Variants in TMEM178B observed in about 807,000 individuals in gnomAD.
TMEM178B encodes the protein transmembrane protein 178B.
In TMEM178B, 5 loss-of-function variants were observed where a neutral mutation model predicts 31.0. The observed-to-expected ratio is 0.16, with a 90% confidence interval of 0.08 to 0.34. The LOEUF is 0.34. TMEM178B is among the 10% of genes least tolerant of loss of function. The probability of loss-of-function intolerance (pLI) is 1.00; values close to 1 mark genes in which losing one functional copy is unlikely to be tolerated. For synonymous variants in TMEM178B, 164 were observed against 164.0 expected (o/e 1.00, Z 0.00); for missense variants, 275 against 400.3 (o/e 0.69, Z 2.67).
In TMEM178B at chr7:141,150,182, C is replaced by T. The variant is rs768995890; in HGVS notation, c.383-62409C>T. ...GAGGTATAAATTTGAGGGTCATTAG[C>T]ATATAGATGGCATTGAAATAATGAC... On this transcript the variant is annotated intron_variant, in intron 1 of 3. Coordinates refer to ENST00000565468, the MANE Select transcript of TMEM178B (RefSeq NM_001195278.2). Among the ~76,000 whole-genome samples the T allele has an allele frequency of 3.1e-4, 47 of 152,178 alleles. 1 individual carries two copies. Among genetic ancestry groups the T allele is most frequent in the South Asian group, 8.3e-4 (4 of 4,822 alleles).
the TMEM178B span, among the ~76,000 whole-genome samples, chr7:141,499,830 TGAA>T: frequency 2.0e-5 from 3 of 152,152 alleles, no homozygotes; most frequent in Non-Finnish European, 4.4e-5. Flanking sequence ...ATCACACACA[TGAA>T]GAATGGGAGA....
At chr7:141,462,250 C>T (rs1025704837) in intron 3 of TMEM178B, among the ~76,000 whole-genome samples, 17 of 152,130 alleles carry the variant, frequency 1.1e-4, no homozygotes, top group African/African-American at 3.9e-4. Context: ...GGTTAGTCAT[C>T]CTACTAGGGA....
At position 141,212,661 on chromosome 7, in the gene TMEM178B, C is replaced by G. The variant is rs1797069189; in HGVS notation, c.453C>G (p.Phe151Leu). 3.3e-6 allele frequency: 5 copies of G among 1,536,112 alleles called. No homozygotes were observed. The highest frequency in any genetic ancestry group is 4.4e-6 in the Non-Finnish European group (5 of 1,146,902). ...SSATIPRNLT[F>L]NITKTIRQDE... is the part of the protein sequence containing the mutation. The stretch of plus-strand genomic sequence containing the variant: ...CAACCATCCCCAGGAACCTCACTTT[C>G]AATATCACGAAGACCATCCGTCAGG... Residue 151 changes from phenylalanine (F) to leucine (L), a missense_variant, in exon 2 of 4, where the codon TTC becomes TTG. Coordinates refer to ENST00000565468, the MANE Select transcript of TMEM178B (RefSeq NM_001195278.2).
intron 2 of TMEM178B, among the ~76,000 whole-genome samples, chr7:141,326,026 A>G (rs1249537077): frequency 6.6e-6 from 1 of 152,272 alleles, no homozygotes; most frequent in Admixed American, 6.5e-5. Context: ...GAAAGTTTAT[A>G]GAATTCCTGA....
At chr7:141,444,098 C>T (rs946285481) in intron 3 of TMEM178B, among the ~76,000 whole-genome samples, 8 of 152,092 alleles carry the variant, frequency 5.3e-5, no homozygotes, top group African/African-American at 1.7e-4. Flanking sequence ...TAGAATCAGC[C>T]GTTTCTTCAA....
intron 2 of TMEM178B, among the ~76,000 whole-genome samples, chr7:141,343,353 C>T (rs1034856328): frequency 3.3e-5 from 5 of 152,128 alleles, no homozygotes; most frequent in Admixed American, 1.3e-4. Flanking sequence ...TTATGAGTTT[C>T]CAAAGCCAGA....
intron 1 of TMEM178B, among the ~76,000 whole-genome samples, chr7:141,154,331 A>G (rs1261412894): frequency 2.0e-5 from 3 of 152,230 alleles, no homozygotes; most frequent in Admixed American, 6.5e-5. Context: ...CCCATGCCAC[A>G]TGGGTCGCTG....
chr7:141,345,649 A>G (rs1799605976), intron 2 of TMEM178B, among the ~76,000 whole-genome samples: 1 of 152,232 alleles, frequency 6.6e-6, no homozygotes, highest in South Asian at 2.1e-4. Flanking sequence ...TGTTTCACAG[A>G]AAATGCAAAA....
intron 3 of TMEM178B, among the ~76,000 whole-genome samples, chr7:141,463,584 G>A (rs921411988): frequency 3.3e-5 from 5 of 152,178 alleles, no homozygotes; most frequent in East Asian, 1.9e-4. Context: ...CTGAGCTGCC[G>A]CCATGGATCA....
At chr7:141,163,854 A>C (rs527675659) in intron 1 of TMEM178B, among the ~76,000 whole-genome samples, 3 of 152,288 alleles carry the variant, frequency 2.0e-5, no homozygotes, top group African/African-American at 7.2e-5. Context: ...AAGAATGCAA[A>C]GGTATAGATA....
the TMEM178B span, among the ~76,000 whole-genome samples, chr7:141,505,300 T>G: frequency 6.6e-6 from 1 of 152,238 alleles, no homozygotes; most frequent in Non-Finnish European, 1.5e-5. Context: ...GCCCAACCTC[T>G]GGTCATAGTA....
intron 1 of TMEM178B, among the ~76,000 whole-genome samples, chr7:141,085,458 AT>A (rs1794765423): frequency 1.3e-5 from 2 of 152,086 alleles, no homozygotes; most frequent in Admixed American, 6.6e-5. Context: ...CAGTATCTGA[AT>A]TATTTCAATT....
intron 2 of TMEM178B, among the ~76,000 whole-genome samples, chr7:141,386,649 G>A (rs1800435951): frequency 6.6e-6 from 1 of 152,176 alleles, no homozygotes; most frequent in Non-Finnish European, 1.5e-5. Flanking sequence ...CTAGGGGGAT[G>A]TCATGAGTAC....
At chr7:141,101,218 G>A (rs566790879) in intron 1 of TMEM178B, among the ~76,000 whole-genome samples, 1 of 152,326 alleles carries the variant, frequency 6.6e-6, no homozygotes, top group African/African-American at 2.4e-5. Flanking sequence ...CCTAATTTGG[G>A]TTTGGCAGAA....
chr7:141,222,128 G>A (rs1469015761), intron 2 of TMEM178B, among the ~76,000 whole-genome samples: 1 of 152,156 alleles, frequency 6.6e-6, no homozygotes, highest in Non-Finnish European at 1.5e-5. Context: ...AGGGAAGCAG[G>A]ACCTGTATTT....
intron 2 of TMEM178B, among the ~76,000 whole-genome samples, chr7:141,390,426 C>A (rs1346674121): frequency 6.6e-6 from 1 of 152,248 alleles, no homozygotes; most frequent in Non-Finnish European, 1.5e-5. Flanking sequence ...AAACATTTTA[C>A]TGTGGTTTCA....
intron 3 of TMEM178B, among the ~76,000 whole-genome samples, chr7:141,446,010 G>T (rs1221440417): frequency 6.6e-6 from 1 of 152,186 alleles, no homozygotes; most frequent in African/African-American, 2.4e-5. Context: ...AGCATTTGAT[G>T]ATTACAATTA....
chr7:141,165,974 C>T (rs1458405635), intron 1 of TMEM178B, among the ~76,000 whole-genome samples: 3 of 152,212 alleles, frequency 2.0e-5, no homozygotes, highest in Non-Finnish European at 4.4e-5. Context: ...CATGGCCCCA[C>T]TTAGCTATGA....
At chr7:141,312,008 A>G (rs974696827) in intron 2 of TMEM178B, among the ~76,000 whole-genome samples, 19 of 152,154 alleles carry the variant, frequency 1.2e-4, no homozygotes, top group African/African-American at 4.6e-4. Flanking sequence ...AGAGAGAAAG[A>G]TGACTTCTCT....
Sources: gnomAD v4.1 joint callset for allele counts (sites outside exome capture counted in the v4.1 genomes callset) on GRCh38, gnomAD v4.1.1 for gene constraint, MANE v1.5 for transcripts, NCBI Gene and HGNC (gene_info 2026-07-23, HGNC 2026-07-21) for gene names.